Variants in RPS6KA6 observed in about 807,000 individuals in gnomAD.
RPS6KA6 encodes ribosomal protein S6 kinase A6.
RPS6KA6 carries 27 observed loss-of-function variants against 65.4 expected under a neutral mutation model. That is an observed-to-expected ratio of 0.41 (90% CI 0.30 to 0.57). RPS6KA6 has a LOEUF of 0.57. Ranked by LOEUF, RPS6KA6 falls within the 20% of genes least tolerant of loss-of-function variation. RPS6KA6 has a pLI of 0.24. For synonymous variants in RPS6KA6, 190 were observed against 184.2 expected (o/e 1.03, Z -0.26); for missense variants, 486 against 555.6 (o/e 0.87, Z 1.26).
intron 1 of RPS6KA6, 93 bp downstream of exon 1, chrX:84,187,726 G>C: frequency 3.4e-6 from 3 of 891,442 alleles, no homozygotes; most frequent in East Asian, 3.8e-5. Context: ...CCCGCTTCCC[G>C]GCCCTACGCC....
At chrX:84,148,209 T>C (rs1569234186) in intron 3 of RPS6KA6, 86 bp from the exon 4 acceptor site, 4 of 498,623 alleles carry the variant, frequency 8.0e-6, no homozygotes, top group Non-Finnish European at 1.3e-5. Context: ...CATACACTTA[T>C]ATCCTTGCAT....
intron 2 of RPS6KA6, among the ~76,000 whole-genome samples, chrX:84,156,400 T>A (rs1457917608): frequency 9.0e-6 from 1 of 110,965 alleles, no homozygotes; most frequent in Non-Finnish European, 1.9e-5. Context: ...CATAATTTCA[T>A]GTAAATAAAA....
intron 1 of RPS6KA6, among the ~76,000 whole-genome samples, chrX:84,178,135 A>G (rs73625972): frequency 3.3e-4 from 37 of 112,164 alleles, no homozygotes; most frequent in African/African-American, 1.1e-3. Flanking sequence ...ATCTATGTTA[A>G]TGATGGTTAC....
At chrX:84,135,012 A>C in intron 7 of RPS6KA6, 92 bp downstream of exon 7, 1 of 667,216 alleles carries the variant, frequency 1.5e-6, no homozygotes, top group Non-Finnish European at 2.3e-6. Flanking sequence ...TTCATATAGA[A>C]TTCCCTATAA....
intron 20 of RPS6KA6, among the ~76,000 whole-genome samples, chrX:84,075,016 T>C (rs781737149): frequency 9.0e-6 from 1 of 111,635 alleles, no homozygotes; most frequent in Non-Finnish European, 1.9e-5. Context: ...GGGTGGATCA[T>C]GAGGTCAGGA....
chrX:84,084,815 A>T (rs1404082156), intron 20 of RPS6KA6, among the ~76,000 whole-genome samples: 1 of 112,055 alleles, frequency 8.9e-6, no homozygotes, highest in African/African-American at 3.2e-5. Context: ...GGCCACTTTC[A>T]TGATATCGAT....
intron 20 of RPS6KA6, among the ~76,000 whole-genome samples, chrX:84,090,632 G>C (rs1051527324): frequency 9.0e-6 from 1 of 111,456 alleles, no homozygotes; most frequent in African/African-American, 3.3e-5. Flanking sequence ...GGACGCGGGG[G>C]AACTACCAAA....
intron 1 of RPS6KA6, among the ~76,000 whole-genome samples, chrX:84,165,384 A>T (rs2035581013): frequency 9.0e-6 from 1 of 111,666 alleles, no homozygotes. Context: ...AGAATACAAA[A>T]AGAAACTACA....
rs2033250474 is a variant in RPS6KA6 at position 84,058,810 on chromosome X, T to C, written c.*5467A>G. On this transcript the variant is annotated 3_prime_UTR_variant, in exon 22 of 22. Transcript: ENST00000262752. ...CTTCAGAAATGCAATGAAATGTCAG[T>C]ATATACATATATATTTAATATCAGA... 1 of 111,327 alleles carries C rather than the reference T, an allele frequency of 9.0e-6. No individual in the cohort carries two copies. The highest frequency in any genetic ancestry group is 3.3e-5 in the African/African-American group (1 of 30,624). 9.2% of individuals were successfully genotyped at this position (111,327 alleles called of 1,213,427 possible).
chrX:84,117,338 G>T, intron 10 of RPS6KA6, 46 bp downstream of exon 10: 1 of 886,404 alleles, frequency 1.1e-6, no homozygotes, highest in Non-Finnish European at 1.6e-6. Context: ...AAAACTGAAA[G>T]CAAGAGATTT....
At chrX:84,075,676 TAAC>T (rs1450722654) in intron 20 of RPS6KA6, among the ~76,000 whole-genome samples, 1 of 109,482 alleles carries the variant, frequency 9.1e-6, no homozygotes, top group Non-Finnish European at 1.9e-5. Flanking sequence ...GAAACAAGGA[TAAC>T]AACAGATTTC....
At chrX:84,168,192 C>T (rs1017446094) in intron 1 of RPS6KA6, among the ~76,000 whole-genome samples, 1 of 110,763 alleles carries the variant, frequency 9.0e-6, no homozygotes, top group Admixed American at 9.6e-5. Context: ...TTTTTCAATA[C>T]CCTTGAAACA....
intron 6 of RPS6KA6, among the ~76,000 whole-genome samples, chrX:84,144,557 ACTCT>A (rs1206446813): frequency 1.8e-5 from 2 of 111,016 alleles, no homozygotes; most frequent in East Asian, 5.7e-4. Context: ...AGCAACTGAA[ACTCT>A]CTTACGCTGC....
intron 20 of RPS6KA6, among the ~76,000 whole-genome samples, chrX:84,066,744 G>A (rs1317856188): frequency 9.0e-6 from 1 of 111,684 alleles, no homozygotes; most frequent in East Asian, 2.8e-4. Flanking sequence ...TCCTGACAAC[G>A]ATTCTCCCAG....
rs181994709 is a variant in RPS6KA6, at chrX:84,121,659, C to T, written c.647-1632G>A. ...TTCTTGCAAAGGTGCAAAAGCAATTCCATGGAGAAAAAGCAGTCTTTTCAA... is the reference window on the plus strand; with the variant it reads ...TTCTTGCAAAGGTGCAAAAGCAATTTCATGGAGAAAAAGCAGTCTTTTCAA... On this transcript the variant is annotated intron_variant, in intron 8 of 21. Coordinates refer to ENST00000262752, the MANE Select transcript of RPS6KA6 (RefSeq NM_014496.5). Among the ~76,000 whole-genome samples, 360 of 111,623 alleles carry T rather than the reference C, an allele frequency of 3.2e-3. 1 individual carries two copies. Among genetic ancestry groups the T allele is most frequent in the Non-Finnish European group, 5.5e-3 (292 of 53,051 alleles).
At chrX:84,180,782 T>G (rs778150357) in intron 1 of RPS6KA6, among the ~76,000 whole-genome samples, 14 of 111,969 alleles carry the variant, frequency 1.3e-4, no homozygotes, top group Admixed American at 8.6e-4. Context: ...GCTAACAACG[T>G]ATCTATATTC....
chrX:84,091,158 A>G (rs1235999804), intron 20 of RPS6KA6, among the ~76,000 whole-genome samples: 1 of 112,322 alleles, frequency 8.9e-6, no homozygotes, highest in Non-Finnish European at 1.9e-5. Context: ...AAACACATGA[A>G]AAAAGCATCT....
chrX:84,111,981 T>G, intron 12 of RPS6KA6, among the ~76,000 whole-genome samples: 1 of 109,238 alleles, frequency 9.2e-6, no homozygotes, highest in African/African-American at 3.3e-5. Flanking sequence ...AGTAAAGGGG[T>G]GGAAAAAGAT....
intron 1 of RPS6KA6, among the ~76,000 whole-genome samples, chrX:84,174,088 T>C (rs1358274048): frequency 8.9e-6 from 1 of 112,136 alleles, no homozygotes; most frequent in Non-Finnish European, 1.9e-5. Context: ...ATTTAGTTGG[T>C]TTGTTTTTTT....
Sources: allele counts gnomAD v4.1 joint callset (sites outside exome capture counted in the v4.1 genomes callset), GRCh38; gene constraint gnomAD v4.1.1; transcripts MANE v1.5; gene names NCBI Gene and HGNC (gene_info 2026-07-23, HGNC 2026-07-21).